Variants in C11orf54 observed in about 807,000 individuals in gnomAD.
The protein encoded by C11orf54 is beta-keto L-gulonate decarboxylase.
In C11orf54, 29 loss-of-function variants were observed where a neutral mutation model predicts 35.5. The ratio of observed to expected loss-of-function variants is 0.82; its 90% CI spans 0.61 to 1.11. The LOEUF is 1.11. Among genes scored for constraint, C11orf54 ranks in the 50% most tolerant of loss-of-function variants. C11orf54 has a pLI of 0.00. For missense variants in C11orf54, 373 were observed against 369.2 expected (o/e 1.01, Z -0.08); for synonymous variants, 108 against 121.1 (o/e 0.89, Z 0.71).
At chr11:93,745,363 G>A (rs575562101) in intron 1 of C11orf54, among the ~76,000 whole-genome samples, 24 of 152,252 alleles carry the variant, frequency 1.6e-4, no homozygotes, top group African/African-American at 5.3e-4. Flanking sequence ...GCAGCTTTCT[G>A]CAGTGCATCA....
At chr11:93,749,183 G>A (rs1168208850) in intron 2 of C11orf54, among the ~76,000 whole-genome samples, 1 of 148,174 alleles carries the variant, frequency 6.7e-6, no homozygotes, top group Admixed American at 6.7e-5. Flanking sequence ...AAGAACTTTT[G>A]ATCCTTAAAA....
intron 8 of C11orf54, among the ~76,000 whole-genome samples, chr11:93,760,290 T>A (rs776107215): frequency 6.6e-6 from 1 of 152,122 alleles, no homozygotes; most frequent in Non-Finnish European, 1.5e-5. Flanking sequence ...TAGAATTATT[T>A]TGGAAGATAA....
chr11:93,743,220 C>T (rs967486182), intron 1 of C11orf54, among the ~76,000 whole-genome samples: 4 of 152,050 alleles, frequency 2.6e-5, no homozygotes, highest in African/African-American at 9.7e-5. Flanking sequence ...AGGCAGGTCT[C>T]GAACTCTTGA....
chr11:93,750,816 T>C (rs1942774155), intron 3 of C11orf54, among the ~76,000 whole-genome samples: 1 of 152,248 alleles, frequency 6.6e-6, no homozygotes, highest in African/African-American at 2.4e-5. Flanking sequence ...AGCCTTGTAT[T>C]TGAATGATCT....
rs1943551060 is a variant in C11orf54, at chr11:93,763,275, A to G, written c.*1587A>G. Reference sequence around the variant, plus strand: ...CTCGGATGATTATACCAAACACTTTACTAAAGCTGGGGATCTGTCTAGTGG... The same window carrying G: ...CTCGGATGATTATACCAAACACTTTGCTAAAGCTGGGGATCTGTCTAGTGG... On this transcript the variant is annotated 3_prime_UTR_variant, in exon 9 of 9. Transcript: ENST00000354421. The G allele has an allele frequency of 6.6e-6, 1 of 152,212 alleles. No homozygotes were observed. The highest frequency in any genetic ancestry group is 2.4e-5 in the African/African-American group (1 of 41,452). 9.4% of individuals were successfully genotyped at this position (152,212 alleles called of 1,614,324 possible). A position where few individuals can be genotyped will look rare whatever the true frequency, so the allele number is the denominator to read the frequency against.
At chr11:93,757,992 T>G (rs187690946) in intron 7 of C11orf54, among the ~76,000 whole-genome samples, 1 of 152,322 alleles carries the variant, frequency 6.6e-6, no homozygotes, top group East Asian at 1.9e-4. Flanking sequence ...GAACTTTATT[T>G]TGGATATGTT....
intron 1 of C11orf54, among the ~76,000 whole-genome samples, chr11:93,742,306 C>T (rs552344775): frequency 6.7e-6 from 1 of 150,358 alleles, no homozygotes; most frequent in South Asian, 2.1e-4. Context: ...TTTTTGAGAC[C>T]GAGTTTCGCT....
intron 6 of C11orf54, among the ~76,000 whole-genome samples, chr11:93,756,725 T>C (rs1330969360): frequency 6.6e-6 from 1 of 152,166 alleles, no homozygotes; most frequent in Admixed American, 6.5e-5. Context: ...TAAGGAAAAC[T>C]AATGCCTTAC....
intron 8 of C11orf54, 61 bp from the exon 9 acceptor site, chr11:93,761,454 C>G: frequency 7.0e-7 from 1 of 1,430,582 alleles, no homozygotes; most frequent in Non-Finnish European, 9.4e-7. Context: ...AAAGTTATCC[C>G]TCCCCCTTAA....
At chr11:93,747,024 C>A (rs595650) in intron 1 of C11orf54, 87,346 of 156,902 alleles carry the variant, frequency 0.56, 25,731 homozygotes, top group Admixed American at 0.69. Flanking sequence ...GTGGCTCACA[C>A]TTGTAATCCC....
At chr11:93,749,453 C>T (rs550171720) in intron 2 of C11orf54, among the ~76,000 whole-genome samples, 1 of 149,122 alleles carries the variant, frequency 6.7e-6, no homozygotes, top group Non-Finnish European at 1.5e-5. Context: ...TACCACTGCA[C>T]TCCAGTCTGG....
At position 93,741,717 on chromosome 11, in the gene C11orf54, G is replaced by T. The variant is rs1456493745; in HGVS notation, c.-109G>T. 1.1e-5 allele frequency: 4 copies of T among 354,060 alleles called. No homozygotes were observed. The highest frequency in any genetic ancestry group is 2.2e-5 in the Non-Finnish European group (4 of 179,620). The allele number at this position is 354,060 out of a possible 1,614,324, so 21.9% of individuals were successfully genotyped here. The stretch of plus-strand genomic sequence containing the variant: ...TCCGGACTCTGGGTGTTTTGCTACC[G>T]TGACCGTTTAGGTGAGTGGAATAGC... On this transcript the variant is annotated 5_prime_UTR_variant, in exon 1 of 9. Transcript: ENST00000354421.
chr11:93,760,134 G>A (rs555484131), intron 8 of C11orf54, among the ~76,000 whole-genome samples: 4 of 152,126 alleles, frequency 2.6e-5, no homozygotes, highest in South Asian at 2.1e-4. Context: ...TTTAGTAGAC[G>A]GGGTTTCACC....
intron 7 of C11orf54, 94 bp downstream of exon 7, chr11:93,757,559 T>A: frequency 7.9e-7 from 1 of 1,261,606 alleles, no homozygotes; most frequent in Non-Finnish European, 1.1e-6. Context: ...AAACGGATCC[T>A]TGCTCTGTTG....
At chr11:93,742,899 C>G (rs1423229689) in intron 1 of C11orf54, 1 of 152,148 alleles carries the variant, frequency 6.6e-6, no homozygotes, top group Non-Finnish European at 1.5e-5. Flanking sequence ...TGCAGCGTCC[C>G]TTGTTCAAAA....
intron 5 of C11orf54, among the ~76,000 whole-genome samples, chr11:93,754,453 A>G (rs985101957): frequency 4.6e-5 from 7 of 152,212 alleles, no homozygotes; most frequent in Non-Finnish European, 8.8e-5. Context: ...AAACTATCAC[A>G]ATAGTATGAT....
At chr11:93,753,840 C>A in intron 4 of C11orf54, 85 bp downstream of exon 4, 2 of 1,546,026 alleles carry the variant, frequency 1.3e-6, no homozygotes, top group South Asian at 2.3e-5. Flanking sequence ...ACCTGTTGAT[C>A]AGTTGGCAAG....
intron 1 of C11orf54, among the ~76,000 whole-genome samples, chr11:93,743,653 G>A (rs1448610245): frequency 6.6e-6 from 1 of 152,198 alleles, no homozygotes; most frequent in African/African-American, 2.4e-5. Flanking sequence ...GGGGATGCCC[G>A]CGACCCCTGA....
chr11:93,749,682 C>T (rs1012717985), intron 2 of C11orf54, among the ~76,000 whole-genome samples: 9 of 151,986 alleles, frequency 5.9e-5, no homozygotes, highest in Non-Finnish European at 1.3e-4. Context: ...GAGGGAAATA[C>T]ATTGGTCTTA....
Sources: allele counts gnomAD v4.1 joint callset (sites outside exome capture counted in the v4.1 genomes callset), GRCh38; gene constraint gnomAD v4.1.1; transcripts MANE v1.5; gene names NCBI Gene and HGNC (gene_info 2026-07-23, HGNC 2026-07-21).